NAALAD2: variants seen among roughly 807,000 people sequenced by gnomAD.
NAALAD2 encodes N-acetylated alpha-linked acidic dipeptidase 2.
In NAALAD2, 89 loss-of-function variants were observed where a neutral mutation model predicts 95.6. The ratio of observed to expected loss-of-function variants is 0.93; its 90% CI spans 0.78 to 1.11. The LOEUF (loss-of-function observed/expected upper bound fraction) is 1.11. NAALAD2 is among the 50% of genes least tolerant of loss of function. NAALAD2 has a pLI of 0.00. For synonymous variants in NAALAD2, 264 were observed against 294.4 expected (o/e 0.90, Z 1.06); for missense variants, 894 against 872.4 (o/e 1.02, Z -0.31).
intron 16 of NAALAD2, among the ~76,000 whole-genome samples, chr11:90,180,123 T>C (rs1952917784): frequency 1.3e-5 from 2 of 152,200 alleles, no homozygotes. Flanking sequence ...CTGTCTATAG[T>C]TTTTTACCTC....
intron 13 of NAALAD2, among the ~76,000 whole-genome samples, chr11:90,173,024 T>C (rs1231791755): frequency 1.3e-5 from 2 of 152,188 alleles, no homozygotes; most frequent in Non-Finnish European, 2.9e-5. Context: ...AAACAAAATA[T>C]AGTCAATATG....
At chr11:90,181,257 A>G (rs747896281) in intron 16 of NAALAD2, among the ~76,000 whole-genome samples, 9 of 152,102 alleles carry the variant, frequency 5.9e-5, no homozygotes, top group South Asian at 2.1e-4. Context: ...CCCTGTAATA[A>G]TTACAGAATC....
chr11:90,163,209 A>G, intron 9 of NAALAD2, 101 bp from the exon 10 acceptor site: 2 of 1,346,244 alleles, frequency 1.5e-6, no homozygotes, highest in Non-Finnish European at 2.0e-6. Context: ...TGTCTTCTAT[A>G]GAGGAAACTC....
intron 14 of NAALAD2, among the ~76,000 whole-genome samples, chr11:90,175,087 A>G (rs1952749386): frequency 6.6e-6 from 1 of 152,190 alleles, no homozygotes; most frequent in Admixed American, 6.5e-5. Flanking sequence ...TTGGAAAAAA[A>G]TCTGAAGTCC....
At chr11:90,176,379 C>CT (rs539092651) in intron 15 of NAALAD2, among the ~76,000 whole-genome samples, 21 of 152,168 alleles carry the variant, frequency 1.4e-4, no homozygotes, top group Non-Finnish European at 2.4e-4. Flanking sequence ...CTAGACTAGT[C>CT]TTGCAGGCTC....
intron 2 of NAALAD2, among the ~76,000 whole-genome samples, chr11:90,137,802 G>A (rs1367630694): frequency 6.6e-6 from 1 of 151,424 alleles, no homozygotes; most frequent in Non-Finnish European, 1.5e-5. Context: ...TATTTATTTT[G>A]TTGTTGTTGT....
intron 18 of NAALAD2, among the ~76,000 whole-genome samples, chr11:90,189,734 A>G (rs1042309712): frequency 6.6e-6 from 1 of 151,486 alleles, no homozygotes; most frequent in African/African-American, 2.4e-5. Context: ...ATGCCACTGC[A>G]CTCCAGCCTG....
At chr11:90,156,833 A>G (rs928242337) in intron 6 of NAALAD2, among the ~76,000 whole-genome samples, 7 of 152,162 alleles carry the variant, frequency 4.6e-5, no homozygotes, top group African/African-American at 1.7e-4. Context: ...GGTTCCAAAT[A>G]CTTTCTGATT....
chr11:90,157,275 C>T (rs1342904341), intron 6 of NAALAD2, among the ~76,000 whole-genome samples: 1 of 152,028 alleles, frequency 6.6e-6, no homozygotes, highest in East Asian at 1.9e-4. Context: ...GTTTCATTTA[C>T]ATAAAATAAG....
At chr11:90,138,921 A>T (rs1012699187) in intron 2 of NAALAD2, among the ~76,000 whole-genome samples, 6 of 151,520 alleles carry the variant, frequency 4.0e-5, no homozygotes, top group Non-Finnish European at 7.4e-5. Context: ...ATCTTCAATA[A>T]TGTAATTTTT....
intron 1 of NAALAD2, 70 bp downstream of exon 1, chr11:90,134,910 C>T: frequency 6.4e-7 from 1 of 1,558,624 alleles, no homozygotes; most frequent in Admixed American, 1.7e-5. Context: ...GGGAGAAATC[C>T]TGGAGCTGGA....
At chr11:90,133,808 T>G (rs1244489668), upstream of NAALAD2, among the ~76,000 whole-genome samples, 1 of 150,026 alleles carries the variant, frequency 6.7e-6, no homozygotes, top group Admixed American at 6.7e-5. Context: ...GTTCGGTTAA[T>G]GAAAACTCAG....
Position 90,182,951 on chromosome 11 carries a change from T to C in NAALAD2, c.1976T>C (p.Met659Thr). The C allele has an allele frequency of 2.5e-6, 4 of 1,612,484 alleles. No homozygotes were observed. Among genetic ancestry groups the C allele is most frequent in the Non-Finnish European group, 3.4e-6 (4 of 1,178,800 alleles). ...IAVRMMNDQL[M>T]LLERAFIDPL... ...GTGAGAATGATGAATGACCAACTGA[T>C]GCTCCTGGAAAGAGCATTCATCGAT... Residue 659 changes from methionine to threonine, a missense_variant, in exon 18 of 19, where the codon ATG becomes ACG. Met to Thr is a moderately conservative substitution (Grantham distance 81). Transcript: ENST00000534061.
intron 13 of NAALAD2, among the ~76,000 whole-genome samples, chr11:90,173,274 C>T (rs778195609): frequency 6.4e-4 from 97 of 152,146 alleles, no homozygotes; most frequent in Admixed American, 9.8e-4. Context: ...AAAATTTTAA[C>T]TTTGTTTAAA....
rs764584692 is a variant in NAALAD2, at chr11:90,159,355, T to C, written c.989+18T>C. 4 of 1,564,172 alleles carry C rather than the reference T, an allele frequency of 2.6e-6. No homozygotes were observed. The Admixed American group carries it at 5.1e-5, about 20-fold the overall frequency. ...TCTTTCAGGTAATTTTGCATTACTT[T>C]AATAGTCTGAAAAAGTTTTATATTT... is the stretch of plus-strand genomic sequence containing the variant. On this transcript the variant is annotated intron_variant, in intron 8 of 18. Transcript: ENST00000534061.
At chr11:90,131,999 C>T (rs1254643010), upstream of NAALAD2, 1 of 152,250 alleles carries the variant, frequency 6.6e-6, no homozygotes, top group Non-Finnish European at 1.5e-5. Context: ...TTGCAAAGTA[C>T]AAGTATTTGC....
Position 90,175,741 on chromosome 11 carries a change from T to C in NAALAD2, c.1503-231T>C, listed in dbSNP as rs1489426602. Among the ~76,000 whole-genome samples, 7 of 152,328 alleles carry C rather than the reference T, an allele frequency of 4.6e-5. No individual in the cohort carries two copies. The South Asian group carries it at 8.3e-4, about 18-fold the overall frequency. ...GGTTGGTGCAAAAGTATTTGCAGTT[T>C]TTGCCATTATTTTTAATTTTCAGCA... On this transcript the variant is annotated intron_variant, in intron 14 of 18. Transcript: ENST00000534061.
At position 90,192,847 on chromosome 11, in the gene NAALAD2, T is replaced by TTC. The variant is rs1857372783; in HGVS notation, c.*1101_*1102dup. The TTC allele has an allele frequency of 1.3e-5, 2 of 151,984 alleles. 1 individual carries two copies. The highest frequency in any genetic ancestry group is 4.1e-4 in the South Asian group (2 of 4,836). 9.4% of individuals were successfully genotyped at this position (151,984 alleles called of 1,614,324 possible). Reference sequence around the variant, plus strand: ...CAGATCCCAGTGACTCAATTACATGTTCAACTATGATTAAAGCTTCAATAA... The same window carrying TTC: ...CAGATCCCAGTGACTCAATTACATGTTCTCAACTATGATTAAAGCTTCAATAA... On this transcript the variant is annotated 3_prime_UTR_variant, in exon 19 of 19. Transcript: ENST00000534061.
At position 90,174,456 on chromosome 11, in the gene NAALAD2, T is replaced by G. The variant is rs1952729562; in HGVS notation, c.1502+541T>G. On this transcript the variant is annotated intron_variant, in intron 14 of 18. Coordinates refer to ENST00000534061, the MANE Select transcript of NAALAD2 (RefSeq NM_005467.4). Reference sequence around the variant, plus strand: ...TTTTGCAAATTTTTAGCCAAAATAGTTTCGCTACATTATTAGCCATTAGTT... The same window carrying G: ...TTTTGCAAATTTTTAGCCAAAATAGGTTCGCTACATTATTAGCCATTAGTT... 3.9e-5 allele frequency among the ~76,000 whole-genome samples: 6 copies of G among 152,310 alleles called. No individual in the cohort carries two copies. In the South Asian group the frequency reaches 1.2e-3, roughly 32 times the overall value.
Sources: gnomAD v4.1 joint callset for allele counts (sites outside exome capture counted in the v4.1 genomes callset) on GRCh38, gnomAD v4.1.1 for gene constraint, MANE v1.5 for transcripts, NCBI Gene and HGNC (gene_info 2026-07-23, HGNC 2026-07-21) for gene names.